The following MTUS1 variants were observed in gnomAD, a reference collection of about 807,000 sequenced individuals.
MTUS1 encodes microtubule associated scaffold protein 1.
A neutral mutation model predicts 120.8 loss-of-function variants in MTUS1; 109 were observed. The observed-to-expected ratio is 0.90, with a 90% CI of 0.77 to 1.06. MTUS1 has a LOEUF of 1.06. MTUS1 is among the 50% of genes least tolerant of loss of function. The pLI, the probability that MTUS1 is intolerant of heterozygous loss-of-function variation, is 0.00. For missense variants in MTUS1, 2,210 were observed against 1,486.3 expected (o/e 1.49, Z -8.01); for synonymous variants, 737 against 550.5 (o/e 1.34, Z -4.74).
chr8:17,652,171 A>C (rs1429203958), intron 12 of MTUS1, among the ~76,000 whole-genome samples: 3 of 152,240 alleles, frequency 2.0e-5, no homozygotes, highest in Admixed American at 2.0e-4. Flanking sequence ...GCAAGGAAAC[A>C]AATTTTTTTC....
chr8:17,659,429 G>T (rs1809189615), intron 8 of MTUS1, among the ~76,000 whole-genome samples: 6 of 152,166 alleles, frequency 3.9e-5, no homozygotes. Context: ...GGGCACAGTG[G>T]CTCACGCCTG....
At chr8:17,657,982 CAT>C (rs890673701) in intron 8 of MTUS1, among the ~76,000 whole-genome samples, 6 of 148,792 alleles carry the variant, frequency 4.0e-5, no homozygotes, top group Non-Finnish European at 8.9e-5. Flanking sequence ...TATACATATA[CAT>C]ATATAATACA....
intron 7 of MTUS1, among the ~76,000 whole-genome samples, chr8:17,683,400 T>C (rs1246993014): frequency 1.3e-5 from 2 of 152,334 alleles, no homozygotes; most frequent in South Asian, 2.1e-4. Context: ...GGCCTCTGTA[T>C]GAAACCAGGA....
At chr8:17,653,529 A>G (rs1269668561) in intron 10 of MTUS1, 31 bp from the exon 11 acceptor site, 4 of 1,484,674 alleles carry the variant, frequency 2.7e-6, no homozygotes, top group Non-Finnish European at 2.8e-6. Context: ...TTTTGAGGCA[A>G]TAACATTCTA....
At chr8:17,760,808 A>G (rs1298739966) in intron 1 of MTUS1, among the ~76,000 whole-genome samples, 7 of 53,468 alleles carry the variant, frequency 1.3e-4, no homozygotes, top group African/African-American at 3.4e-4. Context: ...GCTGGAGGGA[A>G]AAAAAAAAAA....
chr8:17,666,605 A>G (rs1810964694), intron 8 of MTUS1, among the ~76,000 whole-genome samples: 2 of 152,022 alleles, frequency 1.3e-5, no homozygotes. Flanking sequence ...TTCCTCCTCA[A>G]TTTCCATTAA....
intron 1 of MTUS1, among the ~76,000 whole-genome samples, chr8:17,765,794 A>G (rs1298049985): frequency 6.6e-6 from 1 of 151,822 alleles, no homozygotes; most frequent in African/African-American, 2.4e-5. Flanking sequence ...ATTCAAGGAC[A>G]GTATACTCTC....
intron 1 of MTUS1, among the ~76,000 whole-genome samples, chr8:17,789,901 T>C (rs2051627111): frequency 6.6e-6 from 1 of 152,142 alleles, no homozygotes; most frequent in Admixed American, 6.5e-5. Context: ...CAGCTGAAAC[T>C]GTGGTTTTGT....
chr8:17,654,775 G>C (rs908184107), intron 9 of MTUS1, 109 bp from the exon 10 acceptor site: 1 of 741,618 alleles, frequency 1.3e-6, no homozygotes, highest in East Asian at 2.6e-5. Flanking sequence ...GTAAGCGTGG[G>C]CTCTAGTTTA....
At chr8:17,794,393 G>A (rs2052050530) in intron 1 of MTUS1, among the ~76,000 whole-genome samples, 1 of 152,086 alleles carries the variant, frequency 6.6e-6, no homozygotes, top group South Asian at 2.1e-4. Context: ...TTTTACTCAT[G>A]CTTTTTATTT....
At chr8:17,667,970 G>T (rs141194133) in intron 8 of MTUS1, among the ~76,000 whole-genome samples, 1 of 152,138 alleles carries the variant, frequency 6.6e-6, no homozygotes, top group African/African-American at 2.4e-5. Flanking sequence ...TATAGGAAGG[G>T]CAAGCATTTT....
rs149215716 is a variant in MTUS1, at chr8:17,749,127, C to T, written c.2091+4590G>A. Among the ~76,000 whole-genome samples the T allele has an allele frequency of 3.6e-3, 544 of 152,184 alleles. 1 individual carries two copies. The highest frequency in any genetic ancestry group is 1.0e-2 in the African/African-American group (415 of 41,532). ...GGGAGTCAGACATAATTATACTCTC[C>T]GAAGGGTTGGAATTCAGGCACAGCT... On this transcript the variant is annotated intron_variant, in intron 2 of 14. Transcript: ENST00000693296.
chr8:17,754,115 T>C lies in MTUS1; in HGVS notation c.1693A>G (p.Lys565Glu). ...RTPRSDLNAD[K>E]KAEILINKTH... is the part of the protein sequence containing the mutation. Reference sequence around the variant, plus strand: ...TTGTTAATTAGAATTTCTGCTTTTTTGTCTGCATTCAAGTCAGATCTCGGT... The same window carrying C: ...TTGTTAATTAGAATTTCTGCTTTTTCGTCTGCATTCAAGTCAGATCTCGGT... Residue 565 changes from lysine to glutamate, a missense_variant, in exon 2 of 15, where the codon AAA (lysine) becomes GAA (glutamate). Coordinates refer to ENST00000693296, the MANE Select transcript of MTUS1 (RefSeq NM_001363059.2). 1 of 1,614,076 alleles carries C rather than the reference T, an allele frequency of 6.2e-7. No individual in the cohort carries two copies. Among genetic ancestry groups the C allele is most frequent in the Non-Finnish European group, 8.5e-7 (1 of 1,180,038 alleles).
At chr8:17,666,839 T>G (rs960794622) in intron 8 of MTUS1, among the ~76,000 whole-genome samples, 6 of 152,018 alleles carry the variant, frequency 3.9e-5, no homozygotes, top group African/African-American at 9.7e-5. Flanking sequence ...AAAGAGGGGT[T>G]AGTAGGATGA....
chr8:17,669,021 G>A (rs1811476008), intron 8 of MTUS1, among the ~76,000 whole-genome samples: 1 of 152,222 alleles, frequency 6.6e-6, no homozygotes, highest in South Asian at 2.1e-4. Flanking sequence ...ATTGATTGAA[G>A]TCTAAGCACC....
intron 3 of MTUS1, chr8:17,724,156 G>C: frequency 2.1e-6 from 1 of 483,798 alleles, no homozygotes; most frequent in Non-Finnish European, 4.0e-6. Context: ...AGCAGCTTTT[G>C]GCAAAACTGA....
At chr8:17,760,674 G>A (rs2048972796) in intron 1 of MTUS1, among the ~76,000 whole-genome samples, 2 of 152,080 alleles carry the variant, frequency 1.3e-5, no homozygotes, top group South Asian at 4.1e-4. Flanking sequence ...CATCTCACCT[G>A]ACTCATAAGC....
intron 1 of MTUS1, among the ~76,000 whole-genome samples, chr8:17,772,821 A>AC (rs1488607556): frequency 2.6e-5 from 4 of 152,228 alleles, no homozygotes; most frequent in Admixed American, 1.3e-4. Flanking sequence ...GCACCAAAAA[A>AC]ACACACAAAG....
intron 4 of MTUS1, among the ~76,000 whole-genome samples, chr8:17,719,394 T>A (rs1414301379): frequency 6.6e-6 from 1 of 152,212 alleles, no homozygotes; most frequent in Non-Finnish European, 1.5e-5. Context: ...TACTGAAATC[T>A]AAACTTTTGA....
Sources: gnomAD v4.1 joint callset for allele counts (sites outside exome capture counted in the v4.1 genomes callset) on GRCh38, gnomAD v4.1.1 for gene constraint, MANE v1.5 for transcripts, NCBI Gene and HGNC (gene_info 2026-07-23, HGNC 2026-07-21) for gene names.